The following VTCN1 variants were observed in gnomAD, a reference collection of about 807,000 sequenced individuals.
VTCN1 encodes V-set domain containing T cell activation inhibitor 1, also known as V-set domain-containing T-cell activation inhibitor 1.
Under a neutral mutation model 26.5 loss-of-function variants are expected in VTCN1, and 26 were observed. That is an observed-to-expected ratio of 0.98 (90% confidence interval 0.72 to 1.36). VTCN1 has a LOEUF of 1.36. Among genes scored for constraint, VTCN1 ranks in the 40% most tolerant of loss-of-function variants. The probability of loss-of-function intolerance (pLI) is 0.00; values close to 1 mark genes in which losing one functional copy is unlikely to be tolerated. For missense variants in VTCN1, 298 were observed against 337.7 expected (o/e 0.88, Z 0.92); for synonymous variants, 116 against 130.7 (o/e 0.89, Z 0.77).
At chr1:117,194,321 T>C (rs1648400819) in intron 1 of VTCN1, among the ~76,000 whole-genome samples, 1 of 152,168 alleles carries the variant, frequency 6.6e-6, no homozygotes, top group South Asian at 2.1e-4. Context: ...CACAGTGAGA[T>C]ATCACCTCAC....
At chr1:117,186,712 C>T (rs1475250228) in intron 1 of VTCN1, among the ~76,000 whole-genome samples, 1 of 152,188 alleles carries the variant, frequency 6.6e-6, no homozygotes, top group African/African-American at 2.4e-5. Flanking sequence ...GTCCATGAAG[C>T]CATGGGCACT....
At chr1:117,166,628 C>T (rs549837433) in intron 2 of VTCN1, among the ~76,000 whole-genome samples, 99 of 142,942 alleles carry the variant, frequency 6.9e-4, no homozygotes, top group African/African-American at 2.1e-3. Context: ...TGGTGGTGCG[C>T]GCCTGTAATC....
chr1:117,197,354 A>G (rs1648562865), intron 1 of VTCN1, among the ~76,000 whole-genome samples: 1 of 152,172 alleles, frequency 6.6e-6, no homozygotes, highest in African/African-American at 2.4e-5. Flanking sequence ...AGGATATATT[A>G]TTAGGATATT....
In VTCN1 at chr1:117,183,723, GA is replaced by G. The variant is rs1296248959; in HGVS notation, c.33-13553del. ...TAGGGAATGAAGAGTTAAATTTCCAGAATAGTGCATACTAAATAGCCTTTAA... is the reference window on the plus strand; with the variant it reads ...TAGGGAATGAAGAGTTAAATTTCCAGATAGTGCATACTAAATAGCCTTTAA... On this transcript the variant is annotated intron_variant, in intron 1 of 5. Transcript: ENST00000369458. This position sits in a 1 kb window ranked among gnomAD's most constrained non-coding sequence, Gnocchi z 4.1. 6.6e-6 allele frequency among the ~76,000 whole-genome samples: 1 copy of G among 152,088 alleles called. No individual in the cohort carries two copies. The highest frequency in any genetic ancestry group is 2.4e-5 in the African/African-American group (1 of 41,422).
At chr1:117,181,196 T>C (rs756481503) in intron 1 of VTCN1, among the ~76,000 whole-genome samples, 18 of 151,290 alleles carry the variant, frequency 1.2e-4, no homozygotes, top group Non-Finnish European at 2.2e-4. Flanking sequence ...GTGGGAGAAT[T>C]GCTCGAGGCC....
In VTCN1 at chr1:117,172,986, G is replaced by A. The variant is rs185623454; in HGVS notation, c.33-2815C>T. Among the ~76,000 whole-genome samples the A allele has an allele frequency of 4.9e-4, 75 of 152,304 alleles. 1 individual carries two copies. The East Asian group carries it at 0.012, about 24-fold the overall frequency. On this transcript the variant is annotated intron_variant, in intron 1 of 5. Coordinates refer to ENST00000369458, the MANE Select transcript of VTCN1 (RefSeq NM_024626.4). The stretch of plus-strand genomic sequence containing the variant: ...TCCGGTCCCCTTCCATGCTGTGGAA[G>A]CTTTGTTCTTTCGCTCTTCACAGTA...
Position 117,147,665 on chromosome 1 carries a change from A to G in VTCN1, c.842T>C (p.Leu281Pro). The G allele has an allele frequency of 6.2e-7, 1 of 1,613,182 alleles. No homozygotes were observed. Among genetic ancestry groups the G allele is most frequent in the Non-Finnish European group, 8.5e-7 (1 of 1,179,720 alleles). The change falls in exon 5 of 6, where the codon CTA (leucine) becomes CCA (proline). Residue 281 changes from leucine (L) to proline (P), a missense_variant. Coordinates refer to ENST00000369458, the MANE Select transcript of VTCN1 (RefSeq NM_024626.4). The surrounding 1 kb of genome is among the most constrained non-coding windows in gnomAD (Gnocchi z 4.6). ...ALLPLSPYLM[L>P]K ...TTTTGTGGCCGAGGCACATTATTTT[A>G]GCATCAGGTAAGGGCTGAGAGGCAG...
At position 117,187,814 on chromosome 1, in the gene VTCN1, G is replaced by A. The variant is rs7523817; in HGVS notation, c.33-17643C>T. ...ACATCACTATGCAGAGTTTAAAAAGGGAATCTTTAAAGAACAAAACAAAAA... is the reference window on the plus strand; with the variant it reads ...ACATCACTATGCAGAGTTTAAAAAGAGAATCTTTAAAGAACAAAACAAAAA... On this transcript the variant is annotated intron_variant, in intron 1 of 5. Transcript: ENST00000369458. Among the ~76,000 whole-genome samples the A allele has an allele frequency of 9.0e-3, 1,334 of 148,464 alleles. 22 individuals are homozygous for A. The highest frequency in any genetic ancestry group is 0.031 in the African/African-American group (1,252 of 40,242).
intron 1 of VTCN1, among the ~76,000 whole-genome samples, chr1:117,189,315 TC>T (rs1648121935): frequency 6.6e-6 from 1 of 152,194 alleles, no homozygotes; most frequent in South Asian, 2.1e-4. Flanking sequence ...CATTTCCTTT[TC>T]AGTTTTCTCT....
At chr1:117,150,318 G>C (rs1651722581) in intron 4 of VTCN1, among the ~76,000 whole-genome samples, 1 of 152,176 alleles carries the variant, frequency 6.6e-6, no homozygotes. Context: ...ATCACGTCTT[G>C]CCATATGGAC....
chr1:117,177,639 G>C (rs1647424868), intron 1 of VTCN1, among the ~76,000 whole-genome samples: 1 of 152,186 alleles, frequency 6.6e-6, no homozygotes, highest in Non-Finnish European at 1.5e-5. Context: ...GGCTGCTGTT[G>C]AGTATCAGGT....
chr1:117,181,563 C>A (rs1647673647), intron 1 of VTCN1, among the ~76,000 whole-genome samples: 1 of 152,246 alleles, frequency 6.6e-6, no homozygotes, highest in African/African-American at 2.4e-5. Flanking sequence ...TAGCTCAGCT[C>A]TGACCTGCCT....
intron 1 of VTCN1, 79 bp from the exon 2 acceptor site, chr1:117,170,250 T>C: frequency 7.4e-7 from 1 of 1,343,468 alleles, no homozygotes. Flanking sequence ...GGTACAAATC[T>C]GTTGTGGATA....
chr1:117,173,381 C>T, intron 1 of VTCN1: 1 of 512,538 alleles, frequency 2.0e-6, no homozygotes. Context: ...CACACACACA[C>T]ACACACACAA....
chr1:117,165,405 C>G (rs886857667), intron 2 of VTCN1, among the ~76,000 whole-genome samples: 1 of 152,152 alleles, frequency 6.6e-6, no homozygotes. Flanking sequence ...GAAATATAAT[C>G]CCCAATTATA....
In VTCN1 at chr1:117,155,253, A is replaced by G. The variant is rs1207938844; in HGVS notation, c.445+1321T>C. ...TTATATCAGAAGGTACATGCTGTTA[A>G]CATGACTTATTAATGATGTTAACCT... is the stretch of plus-strand genomic sequence containing the variant. On this transcript the variant is annotated intron_variant, in intron 3 of 5. Transcript: ENST00000369458. The surrounding 1 kb of genome is among the most constrained non-coding windows in gnomAD (Gnocchi z 4.8). 1.3e-5 allele frequency among the ~76,000 whole-genome samples: 2 copies of G among 152,228 alleles called. No homozygotes were observed. Among genetic ancestry groups the G allele is most frequent in the Non-Finnish European group, 2.9e-5 (2 of 68,044 alleles).
At position 117,210,860 on chromosome 1, in the gene VTCN1, G is replaced by C; in HGVS notation, c.-5C>G. 3.7e-6 allele frequency: 6 copies of C among 1,614,146 alleles called. No individual in the cohort carries two copies. Among genetic ancestry groups the C allele is most frequent in the Non-Finnish European group, 5.1e-6 (6 of 1,179,974 alleles). On this transcript the variant is annotated 5_prime_UTR_variant, in exon 1 of 6. Coordinates refer to ENST00000369458, the MANE Select transcript of VTCN1 (RefSeq NM_024626.4). Reference sequence around the variant, plus strand: ...GATCTGCCCCAGGGAAGCCATGGCTGGGGAAGGTTCCCAGCGTATCTGGGT... The same window carrying C: ...GATCTGCCCCAGGGAAGCCATGGCTCGGGAAGGTTCCCAGCGTATCTGGGT...
chr1:117,201,479 C>T (rs1648783938), intron 1 of VTCN1, among the ~76,000 whole-genome samples: 1 of 152,180 alleles, frequency 6.6e-6, no homozygotes, highest in Non-Finnish European at 1.5e-5. Context: ...TCCTGATCTC[C>T]CCCTTTCCCT....
At chr1:117,150,614 TA>T (rs1651738187) in intron 4 of VTCN1, among the ~76,000 whole-genome samples, 1 of 152,240 alleles carries the variant, frequency 6.6e-6, no homozygotes, top group African/African-American at 2.4e-5. Context: ...AGATACTTTT[TA>T]AAAATTGCAG....
Sources: allele counts gnomAD v4.1 joint callset (sites outside exome capture counted in the v4.1 genomes callset), GRCh38; gene constraint gnomAD v4.1.1; non-coding constraint Gnocchi (gnomAD v3.1); transcripts MANE v1.5; gene names NCBI Gene and HGNC (gene_info 2026-07-23, HGNC 2026-07-21).